DOCK2: variants seen among roughly 807,000 people sequenced by gnomAD.
DOCK2 encodes dedicator of cytokinesis 2.
Under a neutral mutation model 248.9 loss-of-function variants are expected in DOCK2, and 87 were observed. The observed-to-expected ratio is 0.35, with a 90% confidence interval of 0.29 to 0.42. DOCK2 has a LOEUF of 0.42. Ranked by LOEUF, DOCK2 falls within the 10% of genes least tolerant of loss-of-function variation. The pLI is 1.00. For synonymous variants in DOCK2, 805 were observed against 821.6 expected, an observed-to-expected ratio of 0.98 and a Z score of 0.35; for missense variants, 1,747 against 2,300.2, an observed-to-expected ratio of 0.76 and a Z score of 4.92.
At position 169,708,282 on chromosome 5, in the gene DOCK2, T is replaced by C. The variant is rs758650673; in HGVS notation, c.1482+15T>C. 5.0e-6 allele frequency: 8 copies of C among 1,609,668 alleles called. No individual in the cohort carries two copies. The East Asian group carries it at 1.6e-4, about 31-fold the overall frequency. On this transcript the variant is annotated intron_variant, in intron 15 of 51. Transcript: ENST00000520908. ...AAACAGTCAAGGTAATAATTAATAA[T>C]AGCAGCAAACACATGTCTAGTTCTT...
At chr5:169,965,480 G>A (rs1777264666) in intron 27 of DOCK2, among the ~76,000 whole-genome samples, 1 of 152,224 alleles carries the variant, frequency 6.6e-6, no homozygotes, top group South Asian at 2.1e-4. Flanking sequence ...CAGCTGGCTA[G>A]TGTTGGAGTC....
intron 27 of DOCK2, among the ~76,000 whole-genome samples, chr5:169,887,678 T>C (rs552777905): frequency 5.9e-5 from 9 of 152,364 alleles, no homozygotes; most frequent in African/African-American, 1.9e-4. Context: ...TAAAAGTCTA[T>C]AAATAAACAT....
chr5:169,915,133 C>A (rs1186149300), intron 27 of DOCK2, among the ~76,000 whole-genome samples: 1 of 152,132 alleles, frequency 6.6e-6, no homozygotes, highest in Non-Finnish European at 1.5e-5. Context: ...AGAGATTTAG[C>A]ACAAGTGGAT....
At chr5:169,943,983 G>T (rs2113710852) in intron 27 of DOCK2, among the ~76,000 whole-genome samples, 1 of 152,306 alleles carries the variant, frequency 6.6e-6, no homozygotes, top group East Asian at 1.9e-4. Context: ...GGTAAGAGTG[G>T]GCTAATAGCA....
intron 22 of DOCK2, among the ~76,000 whole-genome samples, chr5:169,732,417 A>G (rs1762829480): frequency 1.3e-5 from 2 of 152,082 alleles, no homozygotes; most frequent in African/African-American, 4.8e-5. Context: ...TATCATTTCT[A>G]TGCAGGTAAC....
At chr5:170,011,331 T>C (rs1755283926) in intron 32 of DOCK2, among the ~76,000 whole-genome samples, 1 of 152,232 alleles carries the variant, frequency 6.6e-6, no homozygotes, top group Non-Finnish European at 1.5e-5. Flanking sequence ...AAGGGGTTTG[T>C]ACAAGATCAT....
intron 44 of DOCK2, among the ~76,000 whole-genome samples, chr5:170,061,129 A>T (rs1339704491): frequency 2.0e-5 from 3 of 152,068 alleles, no homozygotes; most frequent in Non-Finnish European, 4.4e-5. Context: ...ATCCACACAC[A>T]CTTTTACATT....
chr5:169,860,149 G>A (rs577737549), intron 27 of DOCK2, among the ~76,000 whole-genome samples: 3 of 151,374 alleles, frequency 2.0e-5, no homozygotes, highest in Non-Finnish European at 4.4e-5. Flanking sequence ...ATTGTTTGAC[G>A]GGGTCTCACT....
intron 27 of DOCK2, among the ~76,000 whole-genome samples, chr5:169,927,742 G>A (rs1445942896): frequency 2.6e-5 from 4 of 152,206 alleles, no homozygotes; most frequent in African/African-American, 7.2e-5. Flanking sequence ...TCAGCCTCCC[G>A]AGTAGCTGGG....
intron 30 of DOCK2, among the ~76,000 whole-genome samples, chr5:170,004,689 T>C (rs1214370618): frequency 2.7e-5 from 4 of 146,192 alleles, no homozygotes; most frequent in Non-Finnish European, 6.0e-5. Context: ...AATGATAGAC[T>C]GGATTAAGAA....
chr5:169,886,873 A>G (rs1773001074), intron 27 of DOCK2, among the ~76,000 whole-genome samples: 2 of 152,198 alleles, frequency 1.3e-5, no homozygotes, highest in African/African-American at 4.8e-5. Context: ...GCTGGTTTTC[A>G]TAAGAGCTAA....
intron 27 of DOCK2, among the ~76,000 whole-genome samples, chr5:169,941,570 T>C (rs566649551): frequency 5.3e-4 from 80 of 152,222 alleles, no homozygotes; most frequent in African/African-American, 1.9e-3. Context: ...TGCACAGTGA[T>C]GGAAAGAAGA....
At chr5:169,845,457 C>T (rs980764035) in intron 27 of DOCK2, among the ~76,000 whole-genome samples, 6 of 152,174 alleles carry the variant, frequency 3.9e-5, no homozygotes, top group African/African-American at 1.2e-4. Flanking sequence ...CAACACCCAG[C>T]AGGGTGCCTG....
intron 43 of DOCK2, chr5:170,056,971 A>G (rs1321011881): frequency 1.2e-5 from 7 of 565,848 alleles, no homozygotes; most frequent in Non-Finnish European, 2.2e-5. Context: ...TCCCCTTAAT[A>G]CAGAACCCAG....
At chr5:169,686,897 T>A (rs535420806) in intron 8 of DOCK2, among the ~76,000 whole-genome samples, 316 of 152,142 alleles carry the variant, frequency 2.1e-3, no homozygotes, top group African/African-American at 7.2e-3. Flanking sequence ...TGCCCAAAAA[T>A]TGTGTGATGA....
At chr5:169,652,241 G>A (rs1757847990) in intron 1 of DOCK2, among the ~76,000 whole-genome samples, 1 of 152,212 alleles carries the variant, frequency 6.6e-6, no homozygotes, top group Admixed American at 6.5e-5. Context: ...TGCAAGCCTT[G>A]GCAAGCAGAT....
rs61670398 is a variant in DOCK2, at chr5:169,807,833, C to CAAAAAAAAAAAAAAAAAAAAAAAA, written c.2703+4630_2703+4653dup. ...TGGGAGACAGAGCAAGACTCTGTCTCAAAAAAAAAAAAAAAAAAAAAAAAA... is the reference window on the plus strand; with the variant it reads ...TGGGAGACAGAGCAAGACTCTGTCTCAAAAAAAAAAAAAAAAAAAAAAAAAAAAAAAAAAAAAAAAAAAAAAAAA... On this transcript the variant is annotated intron_variant, in intron 26 of 51. Coordinates refer to ENST00000520908, the MANE Select transcript of DOCK2 (RefSeq NM_004946.3). 7.8e-4 allele frequency among the ~76,000 whole-genome samples: 19 copies of CAAAAAAAAAAAAAAAAAAAAAAAA among 24,224 alleles called. 3 individuals are homozygous for CAAAAAAAAAAAAAAAAAAAAAAAA. Among genetic ancestry groups the CAAAAAAAAAAAAAAAAAAAAAAAA allele is most frequent in the Non-Finnish European group, 1.9e-3 (16 of 8,600 alleles). The allele number at this position is 24,224 out of a possible 152,430, so 15.9% of individuals were successfully genotyped here. A position where few individuals can be genotyped will look rare whatever the true frequency, so the allele number is the denominator to read the frequency against.
intron 26 of DOCK2, among the ~76,000 whole-genome samples, chr5:169,817,578 T>G (rs538305298): frequency 2.6e-5 from 4 of 152,358 alleles, no homozygotes; most frequent in Admixed American, 6.5e-5. Context: ...TACAATAAAC[T>G]TTCTTTGAAT....
chr5:169,905,718 T>C (rs184509853), intron 27 of DOCK2, among the ~76,000 whole-genome samples: 71 of 152,290 alleles, frequency 4.7e-4, no homozygotes, highest in African/African-American at 1.7e-3. Flanking sequence ...GGCCACTAAA[T>C]GGCAGCGTCT....
Sources: allele counts gnomAD v4.1 joint callset (sites outside exome capture counted in the v4.1 genomes callset), GRCh38; gene constraint gnomAD v4.1.1; transcripts MANE v1.5; gene names NCBI Gene and HGNC (gene_info 2026-07-23, HGNC 2026-07-21).